Variants in ZNF525 observed in about 807,000 individuals in gnomAD.
ZNF525 encodes the protein zinc finger protein 525.
A neutral mutation model predicts 37.6 loss-of-function variants in ZNF525; 33 were observed. The ratio of observed to expected loss-of-function variants is 0.88; its 90% CI spans 0.67 to 1.17. The LOEUF (loss-of-function observed/expected upper bound fraction) is 1.17. Among genes scored for constraint, ZNF525 ranks in the 50% most tolerant of loss-of-function variants. The pLI, the probability that ZNF525 is intolerant of heterozygous loss-of-function variation, is 0.00. For missense variants in ZNF525, 449 were observed against 543.1 expected (o/e 0.83, Z 1.72); for synonymous variants, 170 against 182.3 (o/e 0.93, Z 0.54).
intron 1 of ZNF525, among the ~76,000 whole-genome samples, chr19:53,371,216 T>TA (rs2085485672): frequency 6.7e-6 from 1 of 150,194 alleles, no homozygotes; most frequent in Non-Finnish European, 1.5e-5. Flanking sequence ...TTTTTTTTTT[T>TA]AGACAGAGTC....
At chr19:53,366,767 C>T (rs1384292088) in intron 1 of ZNF525, among the ~76,000 whole-genome samples, 1 of 146,012 alleles carries the variant, frequency 6.8e-6, no homozygotes, top group Non-Finnish European at 1.5e-5. Flanking sequence ...GGGAGGACAC[C>T]TGGGGATCTG....
rs1489804934 is a variant in ZNF525 at position 53,381,638 on chromosome 19, A to G, written c.1059A>G (p.Lys353=). The G allele has an allele frequency of 8.8e-7, 1 of 1,132,418 alleles. No homozygotes were observed. Among genetic ancestry groups the G allele is most frequent in the Admixed American group, 1.7e-5 (1 of 59,412 alleles). 70.1% of individuals were successfully genotyped at this position (1,132,418 alleles called of 1,614,324 possible). A position where few individuals can be genotyped will look rare whatever the true frequency, so the allele number is the denominator to read the frequency against. The change falls in exon 4 of 4, where the codon AAA becomes AAG. Residue 353 remains lysine (K), a synonymous_variant. Coordinates refer to ENST00000474037, the MANE Select transcript of ZNF525 (RefSeq NM_001348156.2). The stretch of plus-strand genomic sequence containing the variant: ...ATCGTAGCATTCATACTGGAAAGAA[A>G]CCTTACGAATGTGAAGAATGTGACA... The part of the protein sequence containing the change: ...ACHRSIHTGK[K]PYECEECDKA...
chr19:53,381,314 T>A lies in ZNF525; in HGVS notation c.735T>A (p.Cys245Ter). Residue 245 changes from cysteine (C) to a stop codon, truncating the protein, a stop_gained, in exon 4 of 4, where the codon TGT (cysteine) becomes TGA (stop). Transcript: ENST00000474037. LOFTEE classifies it high-confidence loss of function. ...IIHLGEKQYK[C>*]DVCDKVFIRK... ...ATCTAGGAGAGAAACAATATAAATG[T>A]GATGTATGTGACAAGGTCTTTATTC... is the stretch of plus-strand genomic sequence containing the variant. The A allele has an allele frequency of 6.7e-7, 1 of 1,491,080 alleles. No homozygotes were observed. The highest frequency in any genetic ancestry group is 9.4e-7 in the Non-Finnish European group (1 of 1,067,958). The allele number at this position is 1,491,080 out of a possible 1,614,324, so 92.4% of individuals were successfully genotyped here.
Position 53,375,849 on chromosome 19 carries a change from T to C in ZNF525, c.95T>C (p.Leu32Pro), listed in dbSNP as rs767208123. The part of the protein sequence containing the change: ...WKCLDPAQRT[L>P]YRDVMLENYR... Reference sequence around the variant, plus strand: ...TGCCTGGACCCTGCTCAGAGGACTCTATACAGGGACGTGATGCTGGAGAAT... The same window carrying C: ...TGCCTGGACCCTGCTCAGAGGACTCCATACAGGGACGTGATGCTGGAGAAT... Residue 32 changes from leucine to proline, a missense_variant, in exon 3 of 4, where the codon CTA (leucine) becomes CCA (proline). Leu to Pro is a moderately conservative substitution (Grantham distance 98). Coordinates refer to ENST00000474037, the MANE Select transcript of ZNF525 (RefSeq NM_001348156.2). 6 of 1,613,924 alleles carry C rather than the reference T, an allele frequency of 3.7e-6. No homozygotes were observed. In the East Asian group the frequency reaches 6.7e-5, roughly 18 times the overall value.
intron 3 of ZNF525, 112 bp from the exon 4 acceptor site, chr19:53,380,610 T>G: frequency 1.6e-6 from 1 of 611,534 alleles, no homozygotes; most frequent in Non-Finnish European, 2.8e-6. Flanking sequence ...TAATCGCCCT[T>G]TATTTATTAA....
chr19:53,373,564 A>G (rs1490629046), intron 2 of ZNF525, among the ~76,000 whole-genome samples: 3 of 152,052 alleles, frequency 2.0e-5, no homozygotes, highest in Non-Finnish European at 4.4e-5. Flanking sequence ...GGGAGCCGCT[A>G]CTGTCAGTTC....
chr19:53,386,575 T>C lies in ZNF525; in HGVS notation c.*4556T>C, dbSNP rs933988101. Reference sequence around the variant, plus strand: ...TGTTCAGTAATAAACGTGAGACTTTTCATTTCAAAACAAAAGTCAAATGAT... The same window carrying C: ...TGTTCAGTAATAAACGTGAGACTTTCCATTTCAAAACAAAAGTCAAATGAT... On this transcript the variant is annotated 3_prime_UTR_variant, in exon 4 of 4. Coordinates refer to ENST00000474037, the MANE Select transcript of ZNF525 (RefSeq NM_001348156.2). 6 of 408,912 alleles carry C rather than the reference T, an allele frequency of 1.5e-5. No individual in the cohort carries two copies. In the East Asian group the frequency reaches 2.5e-4, roughly 17 times the overall value. The allele number at this position is 408,912 out of a possible 1,614,324, so 25.3% of individuals were successfully genotyped here.
At position 53,382,839 on chromosome 19, in the gene ZNF525, C is replaced by G; in HGVS notation, c.*820C>G. 1 of 1,282,884 alleles carries G rather than the reference C, an allele frequency of 7.8e-7. No individual in the cohort carries two copies. 79.5% of individuals were successfully genotyped at this position (1,282,884 alleles called of 1,614,324 possible). On this transcript the variant is annotated 3_prime_UTR_variant, in exon 4 of 4. Coordinates refer to ENST00000474037, the MANE Select transcript of ZNF525 (RefSeq NM_001348156.2). ...TACAAATGTGAAGAATGTGATAAAG[C>G]TTTCAGATTCAAATCAAACCTTGAA...
At chr19:53,375,145 C>G (rs2085512501) in intron 2 of ZNF525, among the ~76,000 whole-genome samples, 1 of 152,092 alleles carries the variant, frequency 6.6e-6, no homozygotes, top group Non-Finnish European at 1.5e-5. Flanking sequence ...CTGCATCACC[C>G]TCCTGGGTAG....
chr19:53,378,142 G>A (rs896524522), intron 3 of ZNF525, among the ~76,000 whole-genome samples: 2 of 152,092 alleles, frequency 1.3e-5, no homozygotes, highest in African/African-American at 4.8e-5. Flanking sequence ...GGCCAACATG[G>A]TGAAACCTCG....
At position 53,381,588 on chromosome 19, in the gene ZNF525, A is replaced by G. The variant is rs755134760; in HGVS notation, c.1009A>G (p.Ser337Gly). 8.9e-7 allele frequency: 1 copy of G among 1,127,206 alleles called. No individual in the cohort carries two copies. The highest frequency in any genetic ancestry group is 1.2e-5 in the South Asian group (1 of 81,172). 69.8% of individuals were successfully genotyped at this position (1,127,206 alleles called of 1,614,324 possible). Residue 337 changes from serine to glycine, a missense_variant, in exon 4 of 4, where the codon AGT (serine) becomes GGT (glycine). By Grantham distance (56) the Ser-to-Gly change is moderately conservative. Transcript: ENST00000474037. Reference sequence around the variant, plus strand: ...GTGTAATGAGTGTGGCAAGACCTTTAGTCAGAAGTCATACCTTGCATGCCA... The same window carrying G: ...GTGTAATGAGTGTGGCAAGACCTTTGGTCAGAAGTCATACCTTGCATGCCA... ...HKCNECGKTFSQKSYLACHRS... is the reference protein window; with the variant it reads ...HKCNECGKTFGQKSYLACHRS...
At position 53,386,389 on chromosome 19, in the gene ZNF525, G is replaced by C. The variant is rs2085607646; in HGVS notation, c.*4370G>C. On this transcript the variant is annotated 3_prime_UTR_variant, in exon 4 of 4. Coordinates refer to ENST00000474037, the MANE Select transcript of ZNF525 (RefSeq NM_001348156.2). ...GAGAAGAACCAAGCTGGGTCTATAAGGAATTGCATGTGAGATGGCACACAT... is the reference window on the plus strand; with the variant it reads ...GAGAAGAACCAAGCTGGGTCTATAACGAATTGCATGTGAGATGGCACACAT... The C allele has an allele frequency of 1.2e-6, 1 of 868,172 alleles. No homozygotes were observed. The highest frequency in any genetic ancestry group is 1.9e-5 in the African/African-American group (1 of 51,398). The allele number at this position is 868,172 out of a possible 1,614,324, so 53.8% of individuals were successfully genotyped here. A position where few individuals can be genotyped will look rare whatever the true frequency, so the allele number is the denominator to read the frequency against.
intron 2 of ZNF525, 103 bp from the exon 3 acceptor site, chr19:53,375,667 C>G (rs1468466274): frequency 1.1e-5 from 17 of 1,609,920 alleles, no homozygotes; most frequent in African/African-American, 1.3e-5. Context: ...TCAGAACATT[C>G]ACTGCAATTA....
intron 2 of ZNF525, among the ~76,000 whole-genome samples, chr19:53,373,633 A>G (rs569665831): frequency 6.6e-6 from 1 of 151,656 alleles, no homozygotes; most frequent in African/African-American, 2.4e-5. Flanking sequence ...GACTCCGGAA[A>G]AATTCTGCAG....
chr19:53,378,623 G>A (rs1202786384), intron 3 of ZNF525, among the ~76,000 whole-genome samples: 1 of 152,192 alleles, frequency 6.6e-6, no homozygotes, highest in African/African-American at 2.4e-5. Flanking sequence ...AAATCCAAGA[G>A]CAAGGTGCCA....
intron 1 of ZNF525, among the ~76,000 whole-genome samples, chr19:53,369,139 C>G (rs1395619099): frequency 6.6e-6 from 1 of 151,998 alleles, no homozygotes; most frequent in Non-Finnish European, 1.5e-5. Context: ...TTTTTTTTGA[C>G]CTTGCATGAA....
Position 53,384,716 on chromosome 19 carries a change from G to A in ZNF525, c.*2697G>A, listed in dbSNP as rs1298253064. On this transcript the variant is annotated 3_prime_UTR_variant, in exon 4 of 4. Transcript: ENST00000474037. ...TGAGTCTGTGATTTTCTACACAGAAGGTCATGTCGTCTACAAACAAATGTA... is the reference window on the plus strand; with the variant it reads ...TGAGTCTGTGATTTTCTACACAGAAAGTCATGTCGTCTACAAACAAATGTA... 2.0e-5 allele frequency: 8 copies of A among 402,240 alleles called. No homozygotes were observed. Among genetic ancestry groups the A allele is most frequent in the Non-Finnish European group, 8.9e-6 (2 of 224,048 alleles). 24.9% of individuals were successfully genotyped at this position (402,240 alleles called of 1,614,324 possible).
chr19:53,375,557 C>G (rs2085515359), intron 2 of ZNF525, among the ~76,000 whole-genome samples: 1 of 152,056 alleles, frequency 6.6e-6, no homozygotes, highest in African/African-American at 2.4e-5. Context: ...TGCACTCCAG[C>G]CTGAGTGACA....
Position 53,382,083 on chromosome 19 carries a change from A to C in ZNF525, c.*64A>C, listed in dbSNP as rs887319985. On this transcript the variant is annotated 3_prime_UTR_variant, in exon 4 of 4. Coordinates refer to ENST00000474037, the MANE Select transcript of ZNF525 (RefSeq NM_001348156.2). The stretch of plus-strand genomic sequence containing the variant: ...ATGTTATAAGTGTAATGATTGTGGC[A>C]AGATCTTCAGTCATACGTCATCCAT... 1 of 1,489,278 alleles carries C rather than the reference A, an allele frequency of 6.7e-7. No homozygotes were observed. The highest frequency in any genetic ancestry group is 1.8e-5 in the Admixed American group (1 of 55,696). 92.3% of individuals were successfully genotyped at this position (1,489,278 alleles called of 1,614,324 possible).
Sources: gnomAD v4.1 joint callset for allele counts (sites outside exome capture counted in the v4.1 genomes callset) on GRCh38, gnomAD v4.1.1 for gene constraint, MANE v1.5 for transcripts, NCBI Gene and HGNC (gene_info 2026-07-23, HGNC 2026-07-21) for gene names.